CNTN1: variants seen among roughly 807,000 people sequenced by gnomAD.
CNTN1 encodes the protein contactin 1, also known as contactin-1.
CNTN1 carries 38 observed loss-of-function variants against 126.4 expected under a neutral mutation model. The observed-to-expected ratio is 0.30, with a 90% CI of 0.23 to 0.39. The LOEUF (loss-of-function observed/expected upper bound fraction) is 0.39, where lower values mean the gene tolerates loss of function less well. Ranked by LOEUF, CNTN1 falls within the 10% of genes least tolerant of loss-of-function variation. The pLI is 1.00. For missense variants in CNTN1, 1,009 were observed against 1,248.4 expected (o/e 0.81, Z 2.89); for synonymous variants, 413 against 422.6 (o/e 0.98, Z 0.28).
intron 1 of CNTN1, among the ~76,000 whole-genome samples, chr12:40,788,286 G>T (rs1290057084): frequency 6.6e-6 from 1 of 152,116 alleles, no homozygotes; most frequent in East Asian, 1.9e-4. Flanking sequence ...TCTAACTGGT[G>T]ATTTTGCATG....
intron 1 of CNTN1, among the ~76,000 whole-genome samples, chr12:40,851,879 G>A (rs1472363795): frequency 6.6e-6 from 1 of 152,098 alleles, no homozygotes; most frequent in African/African-American, 2.4e-5. Context: ...CAGGATTGAT[G>A]GCATTTCATA....
intron 7 of CNTN1, among the ~76,000 whole-genome samples, chr12:40,932,006 C>T (rs1286864596): frequency 6.6e-6 from 1 of 151,844 alleles, no homozygotes; most frequent in Non-Finnish European, 1.5e-5. Flanking sequence ...TTGAAACAGC[C>T]TTTTTGGACC....
At chr12:40,965,998 CCACACA>C (rs57532764) in intron 15 of CNTN1, among the ~76,000 whole-genome samples, 3,147 of 136,248 alleles carry the variant, frequency 0.023, 39 homozygotes, top group African/African-American at 0.031. Flanking sequence ...CCTCATCACA[CCACACA>C]CACACACACA....
At chr12:40,960,905 A>T (rs1947086087) in intron 15 of CNTN1, among the ~76,000 whole-genome samples, 1 of 152,054 alleles carries the variant, frequency 6.6e-6, no homozygotes, top group Non-Finnish European at 1.5e-5. Flanking sequence ...TTGCAATAGG[A>T]GTTATGTTAC....
chr12:40,954,604 C>A (rs1245421354), intron 14 of CNTN1, among the ~76,000 whole-genome samples: 4 of 152,116 alleles, frequency 2.6e-5, no homozygotes, highest in Admixed American at 6.6e-5. Context: ...AAACCACCCT[C>A]ACTTCTGACA....
chr12:41,009,433 C>T (rs1948591329), intron 17 of CNTN1, among the ~76,000 whole-genome samples: 1 of 152,196 alleles, frequency 6.6e-6, no homozygotes, highest in African/African-American at 2.4e-5. Context: ...TGCTGGCAAT[C>T]CTTTAACCAT....
intron 3 of CNTN1, among the ~76,000 whole-genome samples, chr12:40,913,534 T>C (rs958129400): frequency 2.0e-5 from 3 of 152,182 alleles, no homozygotes; most frequent in Admixed American, 1.3e-4. Context: ...TTATGTAAAA[T>C]TGTGTTTACT....
At chr12:40,818,072 G>A (rs11178530) in intron 1 of CNTN1, among the ~76,000 whole-genome samples, 4 of 151,784 alleles carry the variant, frequency 2.6e-5, no homozygotes, top group East Asian at 3.9e-4. Context: ...GTGACCTGGC[G>A]TTTCTTTCTG....
intron 1 of CNTN1, among the ~76,000 whole-genome samples, chr12:40,785,106 A>G (rs1240195612): frequency 6.6e-6 from 1 of 152,188 alleles, no homozygotes; most frequent in Non-Finnish European, 1.5e-5. Context: ...ACTTACAAAG[A>G]TTTCAGATAT....
intron 15 of CNTN1, among the ~76,000 whole-genome samples, chr12:40,961,921 A>G (rs1237601433): frequency 1.3e-5 from 2 of 151,742 alleles, no homozygotes; most frequent in African/African-American, 4.9e-5. Flanking sequence ...TAGACAGTAG[A>G]AATCTATAAG....
chr12:40,695,585 A>G (rs1006734115), intron 1 of CNTN1, among the ~76,000 whole-genome samples: 6 of 152,150 alleles, frequency 3.9e-5, no homozygotes, highest in Admixed American at 6.5e-5. Context: ...CATGGTCTCT[A>G]TCATATCCCA....
chr12:40,841,994 T>A (rs968084190), intron 1 of CNTN1, among the ~76,000 whole-genome samples: 15 of 108,802 alleles, frequency 1.4e-4, no homozygotes, highest in African/African-American at 4.6e-4. Flanking sequence ...TTATACAAAT[T>A]TTTTTTAAAA....
chr12:40,870,261 A>G lies in CNTN1; in HGVS notation c.-76-38096A>G, dbSNP rs563816084. 1.8e-4 allele frequency among the ~76,000 whole-genome samples: 27 copies of G among 152,228 alleles called. No homozygotes were observed. The South Asian group carries it at 5.6e-3, about 32-fold the overall frequency. Reference sequence around the variant, plus strand: ...CATACAGGTTCCATTAGAATTATTCAAAGAATAAAGCAAAAATATTAACAT... The same window carrying G: ...CATACAGGTTCCATTAGAATTATTCGAAGAATAAAGCAAAAATATTAACAT... On this transcript the variant is annotated intron_variant, in intron 1 of 23. Transcript: ENST00000551295.
chr12:40,862,206 A>AACACACAC (rs557164441), intron 1 of CNTN1, among the ~76,000 whole-genome samples: 4,161 of 94,160 alleles, frequency 0.044, 79 homozygotes, highest in East Asian at 0.078. Context: ...CTTGTCTCTT[A>AACACACAC]ATACACACAC....
At chr12:40,861,695 A>G (rs1173582353) in intron 1 of CNTN1, among the ~76,000 whole-genome samples, 3 of 152,152 alleles carry the variant, frequency 2.0e-5, no homozygotes, top group Admixed American at 6.5e-5. Context: ...ACCCTCTTCA[A>G]AAAAGTTATT....
At chr12:40,869,309 C>G (rs1321889465) in intron 1 of CNTN1, among the ~76,000 whole-genome samples, 1 of 151,060 alleles carries the variant, frequency 6.6e-6, no homozygotes, top group Non-Finnish European at 1.5e-5. Context: ...CTTTGTCACC[C>G]AGGCTGGAGT....
At chr12:40,990,051 CT>C (rs1456072656) in intron 16 of CNTN1, among the ~76,000 whole-genome samples, 3 of 151,736 alleles carry the variant, frequency 2.0e-5, no homozygotes, top group African/African-American at 7.3e-5. Flanking sequence ...CTTGGTACAT[CT>C]TTTAAAAATG....
intron 17 of CNTN1, among the ~76,000 whole-genome samples, chr12:41,006,221 T>C (rs1215564989): frequency 6.6e-6 from 1 of 152,188 alleles, no homozygotes; most frequent in East Asian, 1.9e-4. Flanking sequence ...ATGCTATAAC[T>C]CTGGGGGACT....
chr12:40,782,629 A>G (rs1019268669), intron 1 of CNTN1, among the ~76,000 whole-genome samples: 1 of 151,960 alleles, frequency 6.6e-6, no homozygotes, highest in African/African-American at 2.4e-5. Context: ...TATTTGAGGA[A>G]AATTTAGGAA....
Sources: allele counts gnomAD v4.1 joint callset (sites outside exome capture counted in the v4.1 genomes callset), GRCh38; gene constraint gnomAD v4.1.1; transcripts MANE v1.5; gene names NCBI Gene and HGNC (gene_info 2026-07-23, HGNC 2026-07-21).